UCK2: variants seen among roughly 807,000 people sequenced by gnomAD.
The protein encoded by UCK2 is cytidine monophosphokinase 2.
Under a neutral mutation model 30.8 loss-of-function variants are expected in UCK2, and 6 were observed. The ratio of observed to expected loss-of-function variants is 0.19; its 90% CI spans 0.11 to 0.38. The LOEUF (loss-of-function observed/expected upper bound fraction) is 0.38. Among genes scored for constraint, UCK2 ranks in the 10% least tolerant of loss-of-function variants. UCK2 has a pLI of 1.00. For synonymous variants in UCK2, 125 were observed against 133.6 expected (o/e 0.94, Z 0.45); for missense variants, 210 against 339.8 (o/e 0.62, Z 3.00).
intron 1 of UCK2, among the ~76,000 whole-genome samples, chr1:165,861,580 A>T (rs1484739025): frequency 1.7e-5 from 2 of 116,016 alleles, no homozygotes; most frequent in African/African-American, 6.6e-5. Flanking sequence ...GTGAGCCGAG[A>T]TCCCGCCACC....
chr1:165,849,114 AG>A (rs1239732680), intron 1 of UCK2, among the ~76,000 whole-genome samples: 4 of 152,124 alleles, frequency 2.6e-5, no homozygotes, highest in Non-Finnish European at 5.9e-5. Flanking sequence ...GGAAGAGCAG[AG>A]GTTTCTTAAG....
chr1:165,878,767 G>C (rs1201668871), intron 1 of UCK2, among the ~76,000 whole-genome samples: 2 of 152,236 alleles, frequency 1.3e-5, no homozygotes, highest in African/African-American at 2.4e-5. Context: ...TATGAATAAA[G>C]CTTCTATAAA....
intron 1 of UCK2, among the ~76,000 whole-genome samples, chr1:165,873,094 A>G (rs535986047): frequency 2.0e-5 from 3 of 152,364 alleles, no homozygotes; most frequent in East Asian, 3.9e-4. Context: ...GGTAGGAACT[A>G]CCGAAAAACA....
At chr1:165,853,656 T>C (rs186423895) in intron 1 of UCK2, among the ~76,000 whole-genome samples, 47 of 152,288 alleles carry the variant, frequency 3.1e-4, no homozygotes, top group African/African-American at 1.1e-3. Context: ...TGTTCCTCTT[T>C]CCATCCTTTG....
chr1:165,862,084 G>A (rs892512073), intron 1 of UCK2, among the ~76,000 whole-genome samples: 3 of 152,138 alleles, frequency 2.0e-5, no homozygotes, highest in Non-Finnish European at 4.4e-5. Flanking sequence ...TGGTAGAAGG[G>A]TGCTAAATCA....
In UCK2 at chr1:165,907,942, G is replaced by A. The variant is rs1276119149; in HGVS notation, c.*119G>A. ...ACTGTATTTAAGAAAACACCATGGAGATGAAATGCCTTTGATTTTTTTTTT... is the reference window on the plus strand; with the variant it reads ...ACTGTATTTAAGAAAACACCATGGAAATGAAATGCCTTTGATTTTTTTTTT... On this transcript the variant is annotated 3_prime_UTR_variant, in exon 7 of 7. Transcript: ENST00000367879. The A allele has an allele frequency of 2.9e-6, 4 of 1,358,990 alleles. No individual in the cohort carries two copies. Among genetic ancestry groups the A allele is most frequent in the Admixed American group, 2.8e-5 (1 of 35,282 alleles). The allele number at this position is 1,358,990 out of a possible 1,614,324, so 84.2% of individuals were successfully genotyped here.
At chr1:165,886,569 A>G (rs1178564333) in intron 1 of UCK2, among the ~76,000 whole-genome samples, 1 of 152,234 alleles carries the variant, frequency 6.6e-6, no homozygotes, top group Non-Finnish European at 1.5e-5. Context: ...CACTGGGATT[A>G]TAGGTGCACG....
At chr1:165,873,029 G>A (rs1655241832) in intron 1 of UCK2, among the ~76,000 whole-genome samples, 1 of 152,196 alleles carries the variant, frequency 6.6e-6, no homozygotes, top group Non-Finnish European at 1.5e-5. Flanking sequence ...AGTGGAGTAA[G>A]ATATTTATTC....
rs11336105 is a variant in UCK2 at position 165,870,201 on chromosome 1, A to ATTTTTTTTTTTTTTTTTTTTTTTTTT, written c.100-19984_100-19983insTTTTTTTTTTTTTTTTTTTTTTTTTT. 2.1e-5 allele frequency among the ~76,000 whole-genome samples: 2 copies of ATTTTTTTTTTTTTTTTTTTTTTTTTT among 94,708 alleles called. 1 individual carries two copies. The highest frequency in any genetic ancestry group is 4.4e-5 in the Non-Finnish European group (2 of 44,952). The allele number at this position is 94,708 out of a possible 152,430, so 62.1% of individuals were successfully genotyped here. ...GTAAAGTAAGGAAAGGTCTAACTTC[A>ATTTTTTTTTTTTTTTTTTTTTTTTTT]TTTTTTTTTTTTTTTTTTTGCATAT... On this transcript the variant is annotated intron_variant, in intron 1 of 6. Coordinates refer to ENST00000367879, the MANE Select transcript of UCK2 (RefSeq NM_012474.5).
intron 1 of UCK2, chr1:165,885,454 T>G: frequency 2.5e-6 from 1 of 397,900 alleles, no homozygotes; most frequent in Middle Eastern, 6.3e-4. Context: ...TAAAATACCT[T>G]GTATTGACCT....
At chr1:165,874,796 G>T (rs578087639) in intron 1 of UCK2, among the ~76,000 whole-genome samples, 1 of 152,174 alleles carries the variant, frequency 6.6e-6, no homozygotes, top group South Asian at 2.1e-4. Context: ...AGTTGCTTGG[G>T]CATTCTAGAA....
intron 3 of UCK2, chr1:165,895,976 A>G (rs1647220581): frequency 1.8e-6 from 1 of 570,328 alleles, no homozygotes; most frequent in East Asian, 2.9e-5. Flanking sequence ...GAAGTGGTCA[A>G]AGGAGACCTT....
chr1:165,904,369 C>T (rs2101889026), intron 5 of UCK2, among the ~76,000 whole-genome samples: 1 of 152,256 alleles, frequency 6.6e-6, no homozygotes, highest in South Asian at 2.1e-4. Flanking sequence ...ATCCATTGCC[C>T]TGGAGACTAT....
chr1:165,828,834 C>G (rs1390518350), intron 1 of UCK2, among the ~76,000 whole-genome samples: 3 of 152,104 alleles, frequency 2.0e-5, no homozygotes, highest in Non-Finnish European at 4.4e-5. Context: ...TCTTTGCTCC[C>G]CTAACAGCCT....
At chr1:165,890,152 T>A in intron 1 of UCK2, 52 bp from the exon 2 acceptor site, 2 of 1,607,076 alleles carry the variant, frequency 1.2e-6, no homozygotes, top group South Asian at 2.2e-5. Context: ...ACTTCCTCTG[T>A]ACCACACGTG....
At chr1:165,849,035 C>T (rs1654526179) in intron 1 of UCK2, among the ~76,000 whole-genome samples, 1 of 152,102 alleles carries the variant, frequency 6.6e-6, no homozygotes, top group South Asian at 2.1e-4. Flanking sequence ...GGGAGGGTTG[C>T]TTGAGGTCTG....
At chr1:165,843,233 T>A (rs991342395) in intron 1 of UCK2, among the ~76,000 whole-genome samples, 9 of 152,210 alleles carry the variant, frequency 5.9e-5, no homozygotes, top group Non-Finnish European at 1.2e-4. Flanking sequence ...TTTTTTTTTT[T>A]AAACCATGAT....
chr1:165,855,897 T>G (rs1654731453), intron 1 of UCK2, among the ~76,000 whole-genome samples: 1 of 152,180 alleles, frequency 6.6e-6, no homozygotes, highest in Non-Finnish European at 1.5e-5. Context: ...ACACAATCTA[T>G]TCTCTGCTTG....
chr1:165,857,551 AG>A (rs1654779958), intron 1 of UCK2, among the ~76,000 whole-genome samples: 1 of 152,140 alleles, frequency 6.6e-6, no homozygotes, highest in South Asian at 2.1e-4. Context: ...CTGGAGCTGG[AG>A]GGATGAGCAG....
Sources: gnomAD v4.1 joint callset for allele counts (sites outside exome capture counted in the v4.1 genomes callset) on GRCh38, gnomAD v4.1.1 for gene constraint, MANE v1.5 for transcripts, NCBI Gene and HGNC (gene_info 2026-07-23, HGNC 2026-07-21) for gene names.